Variants in MROH1 observed in about 807,000 individuals in gnomAD.
MROH1 encodes maestro heat-like repeat-containing protein family member 1.
MROH1 carries 117 observed loss-of-function variants against 116.5 expected under a neutral mutation model. That is an observed-to-expected ratio of 1.00 (90% CI 0.86 to 1.17). The LOEUF (loss-of-function observed/expected upper bound fraction) is 1.17, where lower values mean the gene tolerates loss of function less well. MROH1 is among the 50% of genes most tolerant of loss of function. The pLI is 0.00. For synonymous variants in MROH1, 921 were observed against 583.9 expected, an observed-to-expected ratio of 1.58 and a Z score of -8.32; for missense variants, 1,873 against 1,338.5, an observed-to-expected ratio of 1.40 and a Z score of -6.23.
intron 12 of MROH1, chr8:144,212,891 T>G: frequency 1.5e-6 from 1 of 665,686 alleles, no homozygotes. Context: ...GCATCTAACC[T>G]CTTTTCTGTT....
chr8:144,258,655 C>G (rs1312327856), intron 35 of MROH1, 122 bp from the exon 36 acceptor site: 6 of 682,746 alleles, frequency 8.8e-6, no homozygotes, highest in Non-Finnish European at 1.6e-5. Flanking sequence ...GAGAGTGGCT[C>G]TGGCAGGGAT....
intron 7 of MROH1, 111 bp from the exon 8 acceptor site, chr8:144,190,673 G>GGCCGT: frequency 7.6e-7 from 1 of 1,309,404 alleles, no homozygotes; most frequent in Non-Finnish European, 1.1e-6. Flanking sequence ...GTTCTAGGGA[G>GGCCGT]GGCATCTTGC....
chr8:144,238,804 C>T lies in MROH1; in HGVS notation c.1387C>T (p.Arg463Trp), dbSNP rs1046518296. The T allele has an allele frequency of 2.8e-5, 22 of 774,664 alleles. No homozygotes were observed. The highest frequency in any genetic ancestry group is 3.8e-5 in the Non-Finnish European group (16 of 417,726). The allele number at this position is 774,664 out of a possible 1,614,324, so 48.0% of individuals were successfully genotyped here. A position where few individuals can be genotyped will look rare whatever the true frequency, so the allele number is the denominator to read the frequency against. The change falls in exon 15 of 44, where the codon CGG becomes TGG. Residue 463 changes from arginine (R) to tryptophan (W), a missense_variant. By Grantham distance (101) the Arg-to-Trp change is moderately radical. Coordinates refer to ENST00000326134, the MANE Select transcript of MROH1 (RefSeq NM_032450.3). ...CAAGGACCCCAAGGCCGACAGCGTG[C>T]GGGCCATCAGCGTGCGCACCCTCTA... ...GSKDPKADSV[R>W]AISVRTLYLV...
chr8:144,167,492 G>A, intron 3 of MROH1, among the ~76,000 whole-genome samples: 1 of 140,708 alleles, frequency 7.1e-6, no homozygotes, highest in South Asian at 2.3e-4. Flanking sequence ...GCCGGTTGTT[G>A]GGTAGAGTGG....
intron 29 of MROH1, among the ~76,000 whole-genome samples, chr8:144,246,035 C>A (rs1197071841): frequency 8.3e-6 from 1 of 120,696 alleles, no homozygotes; most frequent in South Asian, 2.8e-4. Flanking sequence ...CCCTCACCTC[C>A]CTCCCTTCCT....
At chr8:144,176,056 T>A (rs1487407086) in intron 4 of MROH1, among the ~76,000 whole-genome samples, 1 of 141,134 alleles carries the variant, frequency 7.1e-6, no homozygotes, top group Non-Finnish European at 1.5e-5. Context: ...CTCAAAAAAA[T>A]AAATAAATAA....
Position 144,175,274 on chromosome 8 carries a change from G to A in MROH1, c.169-4181G>A, listed in dbSNP as rs1253681212. On this transcript the variant is annotated intron_variant, in intron 4 of 43. Coordinates refer to ENST00000326134, the MANE Select transcript of MROH1 (RefSeq NM_032450.3). ...GTCGGATGGGTATAAATGCCCTGCTGCACCCAAGCTGCCCCTCCCAGCAAC... is the reference window on the plus strand; with the variant it reads ...GTCGGATGGGTATAAATGCCCTGCTACACCCAAGCTGCCCCTCCCAGCAAC... 3.9e-4 allele frequency: 240 copies of A among 618,940 alleles called. No homozygotes were observed. In the African/African-American group the frequency reaches 4.8e-3, roughly 12 times the overall value. The allele number at this position is 618,940 out of a possible 1,614,324, so 38.3% of individuals were successfully genotyped here. A position where few individuals can be genotyped will look rare whatever the true frequency, so the allele number is the denominator to read the frequency against.
chr8:144,172,101 G>A (rs1463519409), intron 4 of MROH1, among the ~76,000 whole-genome samples: 3 of 152,120 alleles, frequency 2.0e-5, no homozygotes, highest in Non-Finnish European at 2.9e-5. Flanking sequence ...GGAAATAAAA[G>A]TATTTTACCC....
chr8:144,198,507 T>C (rs1485446536), intron 10 of MROH1, among the ~76,000 whole-genome samples: 3 of 152,130 alleles, frequency 2.0e-5, no homozygotes, highest in African/African-American at 7.2e-5. Context: ...AGCCTCAACC[T>C]CCCGGGCTCA....
intron 32 of MROH1, 26 bp from the exon 33 acceptor site, chr8:144,250,186 G>T: frequency 1.3e-6 from 1 of 761,168 alleles, no homozygotes. Flanking sequence ...CGCGTGGCCT[G>T]ACCACCGTGT....
chr8:144,167,801 T>G (rs1012024929), intron 3 of MROH1, among the ~76,000 whole-genome samples: 8 of 152,194 alleles, frequency 5.3e-5, no homozygotes, highest in African/African-American at 1.9e-4. Context: ...TCTTGGACCC[T>G]CTGCCCAGCA....
At chr8:144,199,232 A>T in intron 11 of MROH1, 32 bp downstream of exon 11, 1 of 1,600,590 alleles carries the variant, frequency 6.2e-7, no homozygotes. Context: ...GCCCATGGGC[A>T]TCTGTGGACA....
intron 14 of MROH1, among the ~76,000 whole-genome samples, chr8:144,237,526 A>G (rs1840262417): frequency 6.6e-6 from 1 of 152,042 alleles, no homozygotes; most frequent in South Asian, 2.1e-4. Context: ...TTTGTGTCTC[A>G]CTGACTTTGG....
chr8:144,178,516 G>A (rs959224851), intron 4 of MROH1, among the ~76,000 whole-genome samples: 7 of 152,172 alleles, frequency 4.6e-5, no homozygotes, highest in East Asian at 3.9e-4. Flanking sequence ...TGATCCGCCC[G>A]CCTCGGCCTC....
chr8:144,256,705 G>A (rs988028736), intron 35 of MROH1, among the ~76,000 whole-genome samples: 21 of 152,354 alleles, frequency 1.4e-4, no homozygotes, highest in South Asian at 6.2e-4. Context: ...TGTACAGGCC[G>A]TTCGCCAGTG....
intron 1 of MROH1, among the ~76,000 whole-genome samples, chr8:144,159,615 T>C (rs1385069749): frequency 2.6e-5 from 4 of 152,198 alleles, no homozygotes; most frequent in African/African-American, 4.8e-5. Flanking sequence ...ATTTAATCTT[T>C]CCTGTAGTTT....
Position 144,175,822 on chromosome 8 carries a change from G to A in MROH1, c.169-3633G>A, listed in dbSNP as rs570173368. The stretch of plus-strand genomic sequence containing the variant: ...TCCCAGCACTTTGGGAGGCCGAGGC[G>A]GGCAGATCACGAGGTCAGGAGTTTG... On this transcript the variant is annotated intron_variant, in intron 4 of 43. Coordinates refer to ENST00000326134, the MANE Select transcript of MROH1 (RefSeq NM_032450.3). 1.9e-4 allele frequency among the ~76,000 whole-genome samples: 29 copies of A among 152,310 alleles called. 1 individual carries two copies. In the East Asian group the frequency reaches 4.4e-3, roughly 23 times the overall value.
In MROH1 at chr8:144,256,392, C is replaced by A. The variant is rs888755257; in HGVS notation, c.3791+687C>A. Among the ~76,000 whole-genome samples, 52 of 134,722 alleles carry A rather than the reference C, an allele frequency of 3.9e-4. 1 individual carries two copies. The highest frequency in any genetic ancestry group is 1.3e-3 in the African/African-American group (45 of 34,716). 88.4% of individuals were successfully genotyped at this position (134,722 alleles called of 152,430 possible). ...ACACACCAGGGGGACAGCCTCACTTCAGCCCCTCCCCCTGCCCCCCTTGGC... is the reference window on the plus strand; with the variant it reads ...ACACACCAGGGGGACAGCCTCACTTAAGCCCCTCCCCCTGCCCCCCTTGGC... On this transcript the variant is annotated intron_variant, in intron 35 of 43. Transcript: ENST00000326134.
chr8:144,200,037 G>T (rs1352177263), intron 11 of MROH1, among the ~76,000 whole-genome samples: 8 of 152,294 alleles, frequency 5.3e-5, no homozygotes, highest in African/African-American at 1.9e-4. Context: ...CCCTGCTTGG[G>T]CTGGGGGTCT....
Sources: gnomAD v4.1 joint callset for allele counts (sites outside exome capture counted in the v4.1 genomes callset) on GRCh38, gnomAD v4.1.1 for gene constraint, MANE v1.5 for transcripts, NCBI Gene and HGNC (gene_info 2026-07-23, HGNC 2026-07-21) for gene names.